FSIP2: variants seen among roughly 807,000 people sequenced by gnomAD.
The protein encoded by FSIP2 is fibrous sheath interacting protein 2.
Under a neutral mutation model 510.5 loss-of-function variants are expected in FSIP2, and 367 were observed. The observed-to-expected ratio is 0.72, with a 90% CI of 0.66 to 0.78. The LOEUF is 0.78. FSIP2 is among the 30% of genes least tolerant of loss of function. The probability of loss-of-function intolerance (pLI) is 0.00; values close to 1 mark genes in which losing one functional copy is unlikely to be tolerated. For missense variants in FSIP2, 7,594 were observed against 7,901.7 expected, an observed-to-expected ratio of 0.96 and a Z score of 1.48; for synonymous variants, 2,601 against 2,732.2, an observed-to-expected ratio of 0.95 and a Z score of 1.50.
intron 12 of FSIP2, 101 bp downstream of exon 12, chr2:185,763,390 A>C (rs1357747896): frequency 6.1e-6 from 4 of 659,102 alleles, no homozygotes; most frequent in Non-Finnish European, 1.1e-5. Flanking sequence ...TAACCATACA[A>C]AACAACTTTA....
chr2:185,742,932 CTT>C (rs1691951889), intron 2 of FSIP2, among the ~76,000 whole-genome samples, 199 bp from the exon 3 acceptor site: 1 of 152,054 alleles, frequency 6.6e-6, no homozygotes, highest in African/African-American at 2.4e-5. Flanking sequence ...TAAGGTGAGT[CTT>C]TGGGATAATT....
At chr2:185,822,682 A>AT (rs959088049) in intron 19 of FSIP2, among the ~76,000 whole-genome samples, 14 of 151,046 alleles carry the variant, frequency 9.3e-5, no homozygotes, top group East Asian at 3.9e-4. Flanking sequence ...AATACCAATA[A>AT]TTTTTTTTTG....
intron 16 of FSIP2, among the ~76,000 whole-genome samples, chr2:185,798,882 C>T (rs1693360210): frequency 6.6e-6 from 1 of 151,844 alleles, no homozygotes; most frequent in Non-Finnish European, 1.5e-5. Context: ...ACTAGGAATA[C>T]CTTTTCCTCA....
chr2:185,737,923 A>C (rs548945583), upstream of FSIP2, among the ~76,000 whole-genome samples: 200 of 152,324 alleles, frequency 1.3e-3, 1 homozygote, highest in Non-Finnish European at 2.3e-3. Context: ...ATCTTTGAAA[A>C]ATAAAGAGTA....
At chr2:185,777,395 T>G (rs1345887012) in intron 13 of FSIP2, among the ~76,000 whole-genome samples, 1 of 4,214 alleles carries the variant, frequency 2.4e-4, no homozygotes. Context: ...TAATTGTAGT[T>G]TTTTTTTTTT....
rs202201417 is a variant in FSIP2, at chr2:185,785,736, C to CTT, written c.1470-515_1470-514dup. Reference sequence around the variant, plus strand: ...AATTGGTATTAAATATAGCTAGAAACTTATGATTTTAACCCATAGTTACTG... The same window carrying CTT: ...AATTGGTATTAAATATAGCTAGAAACTTTTATGATTTTAACCCATAGTTACTG... On this transcript the variant is annotated intron_variant, in intron 14 of 22. Coordinates refer to ENST00000424728, the MANE Select transcript of FSIP2 (RefSeq NM_173651.4). Among the ~76,000 whole-genome samples, 1,004 of 151,980 alleles carry CTT rather than the reference C, an allele frequency of 6.6e-3. 13 individuals are homozygous for CTT. The highest frequency in any genetic ancestry group is 0.022 in the African/African-American group (921 of 41,492).
chr2:185,831,727 T>A, intron 21 of FSIP2, 86 bp from the exon 22 acceptor site: 1 of 798,414 alleles, frequency 1.3e-6, no homozygotes, highest in South Asian at 1.4e-5. Flanking sequence ...TTTATAGGTA[T>A]ATCTAGTGGA....
intron 1 of FSIP2, 143 bp from the exon 2 acceptor site, chr2:185,739,203 G>A (rs1691868948): frequency 8.7e-7 from 1 of 1,143,404 alleles, no homozygotes. Flanking sequence ...CTGGTGACCA[G>A]GGAAAACGGG....
In FSIP2 at chr2:185,809,091, C is replaced by T; in HGVS notation, c.19785C>T (p.Thr6595=). 2 of 1,596,128 alleles carry T rather than the reference C, an allele frequency of 1.3e-6. No homozygotes were observed. Among genetic ancestry groups the T allele is most frequent in the Non-Finnish European group, 1.7e-6 (2 of 1,174,426 alleles). Residue 6595 remains threonine (T), a synonymous_variant, in exon 17 of 23, where the codon ACC becomes ACT. Transcript: ENST00000424728. ...AAAAGAGAAAGACAGAAAGACGTACCTCATTGGATAAGACTGGAAGACTGG... is the reference window on the plus strand; with the variant it reads ...AAAAGAGAAAGACAGAAAGACGTACTTCATTGGATAAGACTGGAAGACTGG... ...DLEKRKTERR[T]SLDKTGRLDV...
At position 185,808,193 on chromosome 2, in the gene FSIP2, C is replaced by A. The variant is rs1352288580; in HGVS notation, c.18887C>A (p.Ser6296Tyr). 1 of 1,611,592 alleles carries A rather than the reference C, an allele frequency of 6.2e-7. No individual in the cohort carries two copies. The highest frequency in any genetic ancestry group is 1.7e-5 in the Admixed American group (1 of 59,620). Residue 6296 changes from serine to tyrosine, a missense_variant, in exon 17 of 23, where the codon TCT (serine) becomes TAT (tyrosine). Ser to Tyr is a moderately radical substitution (Grantham distance 144). Transcript: ENST00000424728. ...TTAATGGTGAATGCAATTTCGAATTCTGAATTTCAACCTCAAGTAGAGGAA... is the reference window on the plus strand; with the variant it reads ...TTAATGGTGAATGCAATTTCGAATTATGAATTTCAACCTCAAGTAGAGGAA... The part of the protein sequence containing the change: ...GFLMVNAISN[S>Y]EFQPQVEEEV...
intron 7 of FSIP2, among the ~76,000 whole-genome samples, chr2:185,752,124 T>C (rs1692160693): frequency 6.6e-6 from 1 of 151,336 alleles, no homozygotes; most frequent in African/African-American, 2.4e-5. Context: ...AACTTACTTT[T>C]GTATGTCTGC....
chr2:185,762,116 G>T, intron 11 of FSIP2, 99 bp downstream of exon 11: 3 of 563,992 alleles, frequency 5.3e-6, no homozygotes, highest in Admixed American at 3.2e-5. Context: ...ATAAAAATAT[G>T]CTTATTCTAA....
At chr2:185,776,306 A>G (rs1227175048) in intron 13 of FSIP2, among the ~76,000 whole-genome samples, 3 of 152,082 alleles carry the variant, frequency 2.0e-5, no homozygotes, top group African/African-American at 4.8e-5. Context: ...AAAAATTATA[A>G]TAATAATAGC....
intron 21 of FSIP2, among the ~76,000 whole-genome samples, chr2:185,831,136 T>C (rs1694101203): frequency 6.6e-6 from 1 of 151,936 alleles, no homozygotes; most frequent in Admixed American, 6.6e-5. Context: ...ATTTAAGCCT[T>C]GTTTTACTGA....
Position 185,802,034 on chromosome 2 carries a change from T to C in FSIP2, c.12728T>C (p.Ile4243Thr), listed in dbSNP as rs981118154. Residue 4243 changes from isoleucine (I) to threonine (T), a missense_variant, in exon 17 of 23, where the codon ATT becomes ACT. Coordinates refer to ENST00000424728, the MANE Select transcript of FSIP2 (RefSeq NM_173651.4). Reference protein sequence around the residue: ...KSIVSRSPIMIDQIASFIIQE... With the variant: ...KSIVSRSPIMTDQIASFIIQE... ...ATAGTAAGCCGAAGCCCAATTATGATTGACCAAATAGCCAGCTTTATCATC... is the reference window on the plus strand; with the variant it reads ...ATAGTAAGCCGAAGCCCAATTATGACTGACCAAATAGCCAGCTTTATCATC... 8 of 1,531,102 alleles carry C rather than the reference T, an allele frequency of 5.2e-6. No individual in the cohort carries two copies. In the East Asian group the frequency reaches 7.3e-5, roughly 14 times the overall value. The allele number at this position is 1,531,102 out of a possible 1,614,324, so 94.8% of individuals were successfully genotyped here.
At chr2:185,770,666 C>G (rs1343346121) in intron 13 of FSIP2, among the ~76,000 whole-genome samples, 2 of 152,060 alleles carry the variant, frequency 1.3e-5, no homozygotes, top group Non-Finnish European at 2.9e-5. Context: ...ACAAAACATC[C>G]AAACCATATC....
intron 7 of FSIP2, among the ~76,000 whole-genome samples, chr2:185,748,277 TTTTG>T (rs1246022513): frequency 1.3e-5 from 2 of 151,834 alleles, no homozygotes; most frequent in African/African-American, 4.8e-5. Context: ...CTTCTTTCTT[TTTTG>T]TTTTTCTTTC....
intron 17 of FSIP2, among the ~76,000 whole-genome samples, 180 bp from the exon 18 acceptor site, chr2:185,813,364 AT>A (rs543958079): frequency 3.3e-5 from 5 of 151,888 alleles, no homozygotes; most frequent in Middle Eastern, 3.4e-3. Flanking sequence ...ATGCCAACAA[AT>A]TTTTTTTGTT....
At chr2:185,760,652 C>A (rs1308166551) in intron 9 of FSIP2, among the ~76,000 whole-genome samples, 1 of 150,302 alleles carries the variant, frequency 6.7e-6, no homozygotes, top group East Asian at 2.0e-4. Flanking sequence ...AAAAGAAAAG[C>A]AATACCATTG....
Sources: allele counts gnomAD v4.1 joint callset (sites outside exome capture counted in the v4.1 genomes callset), GRCh38; gene constraint gnomAD v4.1.1; transcripts MANE v1.5; gene names NCBI Gene and HGNC (gene_info 2026-07-23, HGNC 2026-07-21).